The following PAPOLA variants were observed in gnomAD, a reference collection of about 807,000 sequenced individuals.
The protein encoded by PAPOLA is poly(A) polymerase alpha.
A neutral mutation model predicts 100.6 loss-of-function variants in PAPOLA; 15 were observed. That is an observed-to-expected ratio of 0.15 (90% confidence interval 0.10 to 0.23). The LOEUF (loss-of-function observed/expected upper bound fraction) is 0.23, where lower values mean the gene tolerates loss of function less well. PAPOLA is among the 10% of genes least tolerant of loss of function. PAPOLA has a pLI of 1.00. For synonymous variants in PAPOLA, 293 were observed against 300.0 expected (o/e 0.98, Z 0.24); for missense variants, 533 against 884.2 (o/e 0.60, Z 5.04).
intron 1 of PAPOLA, among the ~76,000 whole-genome samples, chr14:96,507,613 T>A (rs1896822449): frequency 6.6e-6 from 1 of 152,248 alleles, no homozygotes; most frequent in African/African-American, 2.4e-5. Context: ...ATGTAATGAG[T>A]TTCTTGTTAT....
chr14:96,534,303 AGTTC>A, intron 9 of PAPOLA, 184 bp from the exon 10 acceptor site: 1 of 1,382,232 alleles, frequency 7.2e-7, no homozygotes, highest in Non-Finnish European at 9.3e-7. Flanking sequence ...AAATGGTTTA[AGTTC>A]ATTTCATAGT....
At chr14:96,521,766 GCTGCCCGGCCTATTTAGTTTT>G (rs1897983932) in intron 3 of PAPOLA, among the ~76,000 whole-genome samples, 1 of 151,512 alleles carries the variant, frequency 6.6e-6, no homozygotes, top group South Asian at 2.1e-4. Flanking sequence ...GGCGTGAGCC[GCTGCCCGGCCTATTTAGTTTT>G]CTGTAATAAC....
intron 21 of PAPOLA, among the ~76,000 whole-genome samples, chr14:96,563,687 T>C (rs2095885464): frequency 6.6e-6 from 1 of 152,326 alleles, no homozygotes; most frequent in Admixed American, 6.5e-5. Context: ...TTTAAACATG[T>C]GCTTTTGCTA....
At chr14:96,552,648 T>G (rs375954185) in intron 17 of PAPOLA, 26 bp downstream of exon 17, 3 of 1,597,972 alleles carry the variant, frequency 1.9e-6, no homozygotes, top group Non-Finnish European at 2.6e-6. Context: ...GAAATAGAAG[T>G]GGAGGGGCTG....
chr14:96,531,454 G>A, intron 6 of PAPOLA, 21 bp from the exon 7 acceptor site: 1 of 1,564,406 alleles, frequency 6.4e-7, no homozygotes, highest in Non-Finnish European at 8.7e-7. Flanking sequence ...GATATGGAAT[G>A]TTGTTTTGTT....
At position 96,517,231 on chromosome 14, in the gene PAPOLA, A is replaced by G. The variant is rs190431107; in HGVS notation, c.9-2824A>G. Among the ~76,000 whole-genome samples, 622 of 152,360 alleles carry G rather than the reference A, an allele frequency of 4.1e-3. 3 individuals are homozygous for G. Among genetic ancestry groups the G allele is most frequent in the African/African-American group, 0.014 (590 of 41,592 alleles). ...TTGCGTTAAAGTCATTTATAAAAGC[A>G]TTCATAATCCCAGGATAATTGTGAA... On this transcript the variant is annotated intron_variant, in intron 1 of 21. Transcript: ENST00000216277.
chr14:96,536,758 T>G, intron 11 of PAPOLA: 1 of 400,168 alleles, frequency 2.5e-6, no homozygotes, highest in Non-Finnish European at 4.5e-6. Flanking sequence ...AGAATAATTG[T>G]ACTTTACCAG....
chr14:96,502,688 G>T (rs1455394784), intron 1 of PAPOLA, 88 bp downstream of exon 1: 1 of 1,454,634 alleles, frequency 6.9e-7, no homozygotes. Context: ...GGAGAGGGTG[G>T]CACGCGAGCC....
chr14:96,521,838 G>A (rs1419017824), intron 3 of PAPOLA, among the ~76,000 whole-genome samples: 1 of 152,066 alleles, frequency 6.6e-6, no homozygotes, highest in East Asian at 1.9e-4. Flanking sequence ...TTGAGACAGA[G>A]TCTCACTCTG....
At chr14:96,515,763 T>C (rs1305645111) in intron 1 of PAPOLA, among the ~76,000 whole-genome samples, 2 of 152,218 alleles carry the variant, frequency 1.3e-5, no homozygotes, top group Non-Finnish European at 2.9e-5. Context: ...TGCAGCTATA[T>C]GTCTGGTTTG....
At chr14:96,560,836 GT>G in intron 20 of PAPOLA, 125 bp downstream of exon 20, 1 of 626,514 alleles carries the variant, frequency 1.6e-6, no homozygotes, top group African/African-American at 1.9e-5. Flanking sequence ...GTTTATTACT[GT>G]TAATTATGTA....
At chr14:96,527,687 C>A in intron 5 of PAPOLA, 148 bp downstream of exon 5, 2 of 616,672 alleles carry the variant, frequency 3.2e-6, no homozygotes, top group Non-Finnish European at 5.7e-6. Context: ...GTGTTTTATT[C>A]TTTACAGCAA....
At chr14:96,525,566 G>T (rs1211522792) in intron 4 of PAPOLA, among the ~76,000 whole-genome samples, 175 bp downstream of exon 4, 2 of 151,938 alleles carry the variant, frequency 1.3e-5, no homozygotes, top group Non-Finnish European at 2.9e-5. Context: ...CTTCTATATC[G>T]CCACTGTCCA....
intron 19 of PAPOLA, among the ~76,000 whole-genome samples, chr14:96,559,581 C>CTCTCTATATATATATATATATA (rs370979875): frequency 8.3e-6 from 1 of 120,182 alleles, no homozygotes; most frequent in African/African-American, 3.4e-5. Flanking sequence ...CTCTCTCTCT[C>CTCTCTATATATATATATATATA]TATATATATA....
At chr14:96,533,415 G>A (rs1431420114) in intron 9 of PAPOLA, 3 of 981,552 alleles carry the variant, frequency 3.1e-6, no homozygotes. Flanking sequence ...ACAATTTAGA[G>A]CTGTGTTCAA....
intron 1 of PAPOLA, chr14:96,502,952 G>A: frequency 3.5e-6 from 1 of 283,578 alleles, no homozygotes; most frequent in Non-Finnish European, 6.6e-6. Flanking sequence ...ACATTGCCTG[G>A]TGGTGGGGAA....
intron 9 of PAPOLA, chr14:96,533,546 C>CTTTTTTTTTTTTTTT (rs1172413058): frequency 1.0e-5 from 6 of 574,906 alleles, no homozygotes; most frequent in African/African-American, 2.9e-5. Flanking sequence ...GTCAGAATTT[C>CTTTTTTTTTTTTTTT]TTTTTTTTTT....
chr14:96,541,357 C>T (rs1043218742), intron 12 of PAPOLA, among the ~76,000 whole-genome samples: 5 of 152,040 alleles, frequency 3.3e-5, no homozygotes, highest in Admixed American at 2.0e-4. Flanking sequence ...TGTGGTTATA[C>T]TGCTACTTTT....
chr14:96,508,955 C>G (rs1896916159), intron 1 of PAPOLA, among the ~76,000 whole-genome samples: 2 of 152,204 alleles, frequency 1.3e-5, no homozygotes, highest in African/African-American at 4.8e-5. Flanking sequence ...GCTCTGGATT[C>G]TGTGTTGCAT....
Sources: allele counts gnomAD v4.1 joint callset (sites outside exome capture counted in the v4.1 genomes callset), GRCh38; gene constraint gnomAD v4.1.1; transcripts MANE v1.5; gene names NCBI Gene and HGNC (gene_info 2026-07-23, HGNC 2026-07-21).